The following SCN3A variants were observed in gnomAD, a reference collection of about 807,000 sequenced individuals.
SCN3A encodes sodium voltage-gated channel alpha subunit 3.
SCN3A carries 60 observed loss-of-function variants against 187.6 expected under a neutral mutation model. That is an observed-to-expected ratio of 0.32 (90% CI 0.26 to 0.40). The LOEUF is 0.40. Ranked by LOEUF, SCN3A falls within the 10% of genes least tolerant of loss-of-function variation. The pLI is 1.00. For synonymous variants in SCN3A, 788 were observed against 829.2 expected, an observed-to-expected ratio of 0.95 and a Z score of 0.85; for missense variants, 1,601 against 2,428.2, an observed-to-expected ratio of 0.66 and a Z score of 7.16.
intron 2 of SCN3A, among the ~76,000 whole-genome samples, chr2:165,184,483 GAA>G (rs397986547): frequency 0.015 from 886 of 59,568 alleles, 3 homozygotes; most frequent in African/African-American, 0.039. Context: ...GTCTAGTTCA[GAA>G]AAAAAAAAAA....
In SCN3A at chr2:165,140,997, G is replaced by A; in HGVS notation, c.1673C>T (p.Ser558Phe). The change falls in exon 13 of 28, where the codon TCT becomes TTT. Residue 558 changes from serine to phenylalanine, a missense_variant and splice_region_variant. Around this residue, in one of 11 missense-constraint regions of SCN3A, gnomAD observed 376 missense variants for 476.0 expected, o/e 0.79. Transcript: ENST00000283254. The surrounding 1 kb of genome is among the most constrained non-coding windows in gnomAD (Gnocchi z 4.2). The part of the protein sequence containing the change: ...SDKKFCSPHQ[S>F]LLSIRGSLFS... ...CAGGGAGCCACGGATACTCAAGAGA[G>A]ACTGCAGAGAAAGCAAAAAGGAAAG... 1.2e-6 allele frequency: 2 copies of A among 1,611,754 alleles called. No individual in the cohort carries two copies. The highest frequency in any genetic ancestry group is 1.7e-6 in the Non-Finnish European group (2 of 1,178,040).
At chr2:165,193,757 G>C (rs1315270529) in intron 1 of SCN3A, among the ~76,000 whole-genome samples, 1 of 152,072 alleles carries the variant, frequency 6.6e-6, no homozygotes, top group Non-Finnish European at 1.5e-5. Flanking sequence ...TCAAGATGGC[G>C]GTGTTGACTA....
chr2:165,132,016 GT>G (rs1201477479), intron 15 of SCN3A, among the ~76,000 whole-genome samples: 1 of 151,908 alleles, frequency 6.6e-6, no homozygotes, highest in Non-Finnish European at 1.5e-5. Flanking sequence ...GGACATTTGG[GT>G]TGGTTCCAAG....
intron 18 of SCN3A, among the ~76,000 whole-genome samples, chr2:165,124,254 T>C (rs1170865198): frequency 1.3e-5 from 2 of 152,118 alleles, no homozygotes; most frequent in African/African-American, 2.4e-5. Context: ...AAATTTATTA[T>C]GTTTAAGCCA....
At chr2:165,180,539 G>A (rs1286489483) in intron 2 of SCN3A, among the ~76,000 whole-genome samples, 3 of 151,980 alleles carry the variant, frequency 2.0e-5, no homozygotes, top group African/African-American at 4.8e-5. Flanking sequence ...GAAAGGATTG[G>A]TAGGAAGACA....
At chr2:165,117,962 T>G (rs927247261) in intron 18 of SCN3A, among the ~76,000 whole-genome samples, 1 of 152,200 alleles carries the variant, frequency 6.6e-6, no homozygotes, top group African/African-American at 2.4e-5. Context: ...TGTCTTATGT[T>G]TAATACAAAT....
intron 11 of SCN3A, among the ~76,000 whole-genome samples, chr2:165,151,720 A>G (rs1257321052): frequency 1.3e-5 from 2 of 152,132 alleles, no homozygotes; most frequent in Non-Finnish European, 2.9e-5. Flanking sequence ...AGGGTACCAC[A>G]GAGGAGAGAG....
chr2:165,115,590 C>T lies in SCN3A; in HGVS notation c.3394-15G>A. On this transcript the variant is annotated splice_polypyrimidine_tract_variant and intron_variant, in intron 18 of 27. Transcript: ENST00000283254. ...GCATTTAATTTCTGGAAACAAAATC[C>T]CATTTCAAAGATGTGATTTTCCCCC... 1 of 1,612,032 alleles carries T rather than the reference C, an allele frequency of 6.2e-7. No homozygotes were observed.
intron 2 of SCN3A, among the ~76,000 whole-genome samples, chr2:165,177,145 C>T (rs1484121737): frequency 6.6e-6 from 1 of 152,130 alleles, no homozygotes; most frequent in Non-Finnish European, 1.5e-5. Context: ...ACTCTGTTTC[C>T]TTCTGAGGCA....
chr2:165,170,582 T>A, intron 3 of SCN3A, 34 bp from the exon 4 acceptor site: 3 of 1,229,548 alleles, frequency 2.4e-6, no homozygotes, highest in Non-Finnish European at 3.6e-6. Context: ...ATTACTAAAT[T>A]AGACATGGGC....
In SCN3A at chr2:165,097,242, A is replaced by G. The variant is rs2105647745; in HGVS notation, c.4239+10T>C. On this transcript the variant is annotated intron_variant, in intron 23 of 27. Coordinates refer to ENST00000283254, the MANE Select transcript of SCN3A (RefSeq NM_006922.4). ...AAAACTTTTTCAAAACTCGTACAGT[A>G]GCCACTTACCACTTGAAGCAGTGCA... 6.2e-7 allele frequency: 1 copy of G among 1,614,094 alleles called. No homozygotes were observed. The highest frequency in any genetic ancestry group is 8.5e-7 in the Non-Finnish European group (1 of 1,179,950).
Position 165,115,492 on chromosome 2 carries a change from G to A in SCN3A, c.3477C>T (p.Pro1159=), listed in dbSNP as rs147316838. 1.4e-5 allele frequency: 23 copies of A among 1,612,960 alleles called. No homozygotes were observed. The highest frequency in any genetic ancestry group is 3.3e-4 in the Middle Eastern group (2 of 6,084). Residue 1159 remains proline (P), a synonymous_variant, in exon 19 of 28, where the codon CCC becomes CCT. Transcript: ENST00000283254. The stretch of plus-strand genomic sequence containing the variant: ...AAGCTTCCGGTTTAAGGTCTTCTTC[G>A]GGTTCAGTTTCAGCTTGTTCACCTT... ...PREGEQAETE[P]EEDLKPEACF...
intron 2 of SCN3A, among the ~76,000 whole-genome samples, chr2:165,178,221 A>G (rs1432843368): frequency 6.6e-6 from 1 of 151,904 alleles, no homozygotes. Flanking sequence ...ATTACTTATT[A>G]TATTATAATA....
At chr2:165,164,617 A>G (rs1338353157) in intron 5 of SCN3A, 97 bp from the exon 6 acceptor site, 4 of 1,307,092 alleles carry the variant, frequency 3.1e-6, no homozygotes, top group Non-Finnish European at 4.3e-6. Context: ...GTGGTTTTTC[A>G]ATTCATTAAA....
rs1465025536 is a variant in SCN3A at position 165,162,550 on chromosome 2, T to C, written c.967+6A>G. 1 of 1,613,992 alleles carries C rather than the reference T, an allele frequency of 6.2e-7. No homozygotes were observed. Among genetic ancestry groups the C allele is most frequent in the Admixed American group, 1.7e-5 (1 of 60,014 alleles). ...ACTAAGGTTAACATAATGTAATACT[T>C]CTTACTGTCATCTCCAATGTAATCC... On this transcript the variant is annotated splice_donor_region_variant and intron_variant, in intron 8 of 27. Coordinates refer to ENST00000283254, the MANE Select transcript of SCN3A (RefSeq NM_006922.4).
In SCN3A at chr2:165,089,876, C is replaced by T. The variant is rs894593545; in HGVS notation, c.*274G>A. On this transcript the variant is annotated 3_prime_UTR_variant, in exon 28 of 28. Transcript: ENST00000283254. The stretch of plus-strand genomic sequence containing the variant: ...TGGTGTAGTTACAATGTTCACTTTG[C>T]ACAACTATCCCTATAGTCTAGGTAG... 6 of 446,396 alleles carry T rather than the reference C, an allele frequency of 1.3e-5. No individual in the cohort carries two copies. Among genetic ancestry groups the T allele is most frequent in the Admixed American group, 3.9e-5 (1 of 25,506 alleles). 27.7% of individuals were successfully genotyped at this position (446,396 alleles called of 1,614,324 possible).
In SCN3A at chr2:165,140,545, C is replaced by G. The variant is rs1687944381; in HGVS notation, c.2019+106G>C. The G allele has an allele frequency of 2.1e-6, 2 of 931,900 alleles. No individual in the cohort carries two copies. Among genetic ancestry groups the G allele is most frequent in the East Asian group, 2.5e-5 (1 of 39,768 alleles). The allele number at this position is 931,900 out of a possible 1,614,324, so 57.7% of individuals were successfully genotyped here. On this transcript the variant is annotated intron_variant, in intron 13 of 27. Transcript: ENST00000283254. The surrounding 1 kb of genome is among the most constrained non-coding windows in gnomAD (Gnocchi z 4.2). ...ATTAATCATGTATTATTTTTACCAACTTTCATTTTGAGGAAGCAGGACGGT... is the reference window on the plus strand; with the variant it reads ...ATTAATCATGTATTATTTTTACCAAGTTTCATTTTGAGGAAGCAGGACGGT...
chr2:165,131,322 T>C lies in SCN3A; in HGVS notation c.2487A>G (p.Gly829=), dbSNP rs750682866. 1 of 1,608,106 alleles carries C rather than the reference T, an allele frequency of 6.2e-7. No individual in the cohort carries two copies. Among genetic ancestry groups the C allele is most frequent in the East Asian group, 2.2e-5 (1 of 44,594 alleles). Residue 829 remains glycine (G), a synonymous_variant, in exon 16 of 28, where the codon GGA becomes GGG. Coordinates refer to ENST00000283254, the MANE Select transcript of SCN3A (RefSeq NM_006922.4). The part of the protein sequence containing the change: ...YFQEGWNIFD[G]IIVSLSLMEL... ...CCATTAAACTGAGGCTGACAATAATTCCATCAAAGATATTCCAGCCTTCTT... is the reference window on the plus strand; with the variant it reads ...CCATTAAACTGAGGCTGACAATAATCCCATCAAAGATATTCCAGCCTTCTT...
At chr2:165,139,764 T>A in intron 13 of SCN3A, 156 bp from the exon 14 acceptor site, 1 of 906,438 alleles carries the variant, frequency 1.1e-6, no homozygotes, top group Non-Finnish European at 1.7e-6. Flanking sequence ...TAAACAGTTT[T>A]TTTTTTAAAA....
Sources: gnomAD v4.1 joint callset for allele counts (sites outside exome capture counted in the v4.1 genomes callset) on GRCh38, gnomAD v4.1.1 for gene constraint, gnomAD v4.1.1 regional missense constraint, Gnocchi (gnomAD v3.1) non-coding constraint, MANE v1.5 for transcripts, NCBI Gene and HGNC (gene_info 2026-07-23, HGNC 2026-07-21) for gene names.